The following CTIF variants were observed in gnomAD, a reference collection of about 807,000 sequenced individuals.
The protein encoded by CTIF is CBP80/20-dependent translation initiation factor.
Under a neutral mutation model 66.0 loss-of-function variants are expected in CTIF, and 21 were observed. The ratio of observed to expected loss-of-function variants is 0.32; its 90% CI spans 0.23 to 0.46. The LOEUF (loss-of-function observed/expected upper bound fraction) is 0.46. Among genes scored for constraint, CTIF ranks in the 20% least tolerant of loss-of-function variants. The pLI is 1.00. For missense variants in CTIF, 739 were observed against 812.7 expected, an observed-to-expected ratio of 0.91 and a Z score of 1.10; for synonymous variants, 345 against 326.4, an observed-to-expected ratio of 1.06 and a Z score of -0.62.
intron 3 of CTIF, among the ~76,000 whole-genome samples, chr18:48,656,042 A>ATG (rs1193526763): frequency 6.6e-6 from 1 of 152,246 alleles, no homozygotes; most frequent in Non-Finnish European, 1.5e-5. Context: ...GCATTCATGC[A>ATG]TGTGTGGAGA....
At chr18:48,618,245 G>A (rs2090432672) in intron 1 of CTIF, among the ~76,000 whole-genome samples, 1 of 152,188 alleles carries the variant, frequency 6.6e-6, no homozygotes, top group East Asian at 1.9e-4. Flanking sequence ...TCAAAGTTTT[G>A]AAATTCAAAT....
At chr18:48,568,533 A>T (rs2089327243) in intron 1 of CTIF, among the ~76,000 whole-genome samples, 1 of 147,544 alleles carries the variant, frequency 6.8e-6, no homozygotes, top group South Asian at 2.2e-4. Flanking sequence ...TTTTCTCATA[A>T]TTCTGGAAGT....
chr18:48,664,646 A>C, intron 5 of CTIF, 95 bp downstream of exon 5: 4 of 1,052,920 alleles, frequency 3.8e-6, no homozygotes, highest in Non-Finnish European at 5.7e-6. Flanking sequence ...TGCACAGGGG[A>C]CTCAGGTGGC....
intron 3 of CTIF, among the ~76,000 whole-genome samples, chr18:48,653,228 C>T (rs756532999): frequency 3.9e-5 from 6 of 152,126 alleles, no homozygotes; most frequent in Non-Finnish European, 8.8e-5. Flanking sequence ...ACTTAGAAAA[C>T]CCCATCGTCT....
intron 10 of CTIF, among the ~76,000 whole-genome samples, chr18:48,818,749 G>T (rs1249161336): frequency 6.6e-6 from 1 of 152,074 alleles, no homozygotes; most frequent in African/African-American, 2.4e-5. Context: ...CCACCGGCAG[G>T]CCTCTGCAGG....
In CTIF at chr18:48,635,948, G is replaced by A. The variant is rs2090814135; in HGVS notation, c.181-666G>A. ...CATCCCTTGGGGAGCTCGTCAAAAT[G>A]CTGATCCTCTGGCCCTGGCCTCACA... On this transcript the variant is annotated intron_variant, in intron 2 of 11. Transcript: ENST00000256413. Among the ~76,000 whole-genome samples the A allele has an allele frequency of 2.0e-5, 3 of 152,200 alleles. No individual in the cohort carries two copies. In the South Asian group the frequency reaches 6.2e-4, roughly 31 times the overall value.
chr18:48,594,883 G>A (rs2144037318), intron 1 of CTIF, among the ~76,000 whole-genome samples: 1 of 152,318 alleles, frequency 6.6e-6, no homozygotes, highest in East Asian at 1.9e-4. Context: ...CAAGTCCCTG[G>A]GGCCAGGCTG....
chr18:48,849,637 A>G (rs8088527), intron 10 of CTIF, among the ~76,000 whole-genome samples: 72,537 of 142,018 alleles, frequency 0.51, 20,018 homozygotes, highest in African/African-American at 0.74. Flanking sequence ...CCAGGCTGGA[A>G]TGCAGTGGCA....
At position 48,817,740 on chromosome 18, in the gene CTIF, A is replaced by C. The variant is rs188426465; in HGVS notation, c.1527+364A>C. Among the ~76,000 whole-genome samples, 9 of 151,006 alleles carry C rather than the reference A, an allele frequency of 6.0e-5. No homozygotes were observed. In the East Asian group the frequency reaches 1.8e-3, roughly 30 times the overall value. On this transcript the variant is annotated intron_variant, in intron 10 of 11. Transcript: ENST00000256413. Reference sequence around the variant, plus strand: ...GCAGTGAGCCGAGATCGCACACTGCACTCCAGCCTGGGCGACAGAGCGAGA... The same window carrying C: ...GCAGTGAGCCGAGATCGCACACTGCCCTCCAGCCTGGGCGACAGAGCGAGA...
chr18:48,708,684 A>C (rs1427566115), intron 6 of CTIF, among the ~76,000 whole-genome samples: 1 of 152,138 alleles, frequency 6.6e-6, no homozygotes, highest in South Asian at 2.1e-4. Flanking sequence ...CACCTCTGTC[A>C]CTTTGTTCCA....
At chr18:48,769,216 A>T (rs1909872034) in intron 9 of CTIF, among the ~76,000 whole-genome samples, 1 of 152,360 alleles carries the variant, frequency 6.6e-6, no homozygotes, top group East Asian at 1.9e-4. Context: ...TGTTGGCCCA[A>T]GCCAGGCACA....
chr18:48,540,615 G>A (rs1347234337), intron 1 of CTIF, among the ~76,000 whole-genome samples: 1 of 152,120 alleles, frequency 6.6e-6, no homozygotes, highest in East Asian at 1.9e-4. Flanking sequence ...GCACCGCGGG[G>A]TGTGCGGCGT....
chr18:48,687,731 G>A (rs774032555), intron 6 of CTIF, among the ~76,000 whole-genome samples: 44 of 152,196 alleles, frequency 2.9e-4, no homozygotes, highest in African/African-American at 5.8e-4. Flanking sequence ...ATGTGAAGCC[G>A]ACTGTGTGCA....
chr18:48,654,823 A>G (rs1262585799), intron 3 of CTIF, among the ~76,000 whole-genome samples: 3 of 152,196 alleles, frequency 2.0e-5, no homozygotes, highest in Non-Finnish European at 4.4e-5. Flanking sequence ...TGTCCTTTGC[A>G]GGGACATGGA....
intron 7 of CTIF, among the ~76,000 whole-genome samples, chr18:48,720,904 T>C (rs1024500403): frequency 2.0e-5 from 3 of 152,174 alleles, no homozygotes; most frequent in Non-Finnish European, 4.4e-5. Flanking sequence ...CCGATCCCCA[T>C]GCTCAGGACT....
chr18:48,842,704 T>TG (rs2068974449), intron 10 of CTIF, among the ~76,000 whole-genome samples: 1 of 152,256 alleles, frequency 6.6e-6, no homozygotes. Flanking sequence ...TTCCTGGCTC[T>TG]GGGGCTGTGA....
chr18:48,730,177 TG>T (rs1388422133), intron 7 of CTIF, among the ~76,000 whole-genome samples: 1 of 152,004 alleles, frequency 6.6e-6, no homozygotes, highest in Non-Finnish European at 1.5e-5. Flanking sequence ...GCCTCCACAG[TG>T]TGAGGGGCCC....
intron 9 of CTIF, among the ~76,000 whole-genome samples, chr18:48,805,377 C>T (rs551983455): frequency 1.1e-4 from 15 of 141,822 alleles, no homozygotes; most frequent in Admixed American, 4.4e-4. Flanking sequence ...GTGATAGGAA[C>T]GGAGGAGTGA....
chr18:48,646,352 C>T (rs959701850), intron 3 of CTIF, among the ~76,000 whole-genome samples: 4 of 151,908 alleles, frequency 2.6e-5, no homozygotes, highest in African/African-American at 9.7e-5. Context: ...GACGGAGACG[C>T]AAATAAAACC....
Sources: allele counts gnomAD v4.1 joint callset (sites outside exome capture counted in the v4.1 genomes callset), GRCh38; gene constraint gnomAD v4.1.1; transcripts MANE v1.5; gene names NCBI Gene and HGNC (gene_info 2026-07-23, HGNC 2026-07-21).